The following AURKAIP1 variants were observed in gnomAD, a reference collection of about 807,000 sequenced individuals.
AURKAIP1 encodes aurora kinase A interacting protein 1, also known as small ribosomal subunit protein bS22, mitochondrial.
Under a neutral mutation model 18.4 loss-of-function variants are expected in AURKAIP1, and 20 were observed. That is an observed-to-expected ratio of 1.09 (90% CI 0.77 to 1.58). The LOEUF (loss-of-function observed/expected upper bound fraction) is 1.58. Ranked by LOEUF, AURKAIP1 falls within the 40% of genes most tolerant of loss-of-function variation. The probability of loss-of-function intolerance (pLI) is 0.00; values close to 1 mark genes in which losing one functional copy is unlikely to be tolerated. For missense variants in AURKAIP1, 319 were observed against 270.7 expected, an observed-to-expected ratio of 1.18 and a Z score of -1.25; for synonymous variants, 156 against 120.8, an observed-to-expected ratio of 1.29 and a Z score of -1.91.
Position 1,373,745 on chromosome 1 carries a change from T to G in AURKAIP1, c.*56A>C. On this transcript the variant is annotated 3_prime_UTR_variant, in exon 4 of 4. Coordinates refer to ENST00000338338, the MANE Select transcript of AURKAIP1 (RefSeq NM_017900.3). The stretch of plus-strand genomic sequence containing the variant: ...GACCCGCAGGAAAGGCTGAGTCCTC[T>G]GAGAATTTATTACTACGGATCACAG... 2.7e-6 allele frequency: 4 copies of G among 1,499,962 alleles called. No homozygotes were observed. The highest frequency in any genetic ancestry group is 3.6e-6 in the Non-Finnish European group (4 of 1,107,474). The allele number at this position is 1,499,962 out of a possible 1,614,324, so 92.9% of individuals were successfully genotyped here.
At chr1:1,375,052 A>C in intron 1 of AURKAIP1, 102 bp downstream of exon 1, 1 of 336,386 alleles carries the variant, frequency 3.0e-6, no homozygotes, top group Non-Finnish European at 5.5e-6. Context: ...CCCCGCGCGA[A>C]TCGCGTTGCC....
chr1:1,374,591 C>A, intron 2 of AURKAIP1, 114 bp downstream of exon 2: 1 of 1,401,632 alleles, frequency 7.1e-7, no homozygotes, highest in South Asian at 1.3e-5. Context: ...GCATCGGAAG[C>A]TTAGAGGGGA....
intron 1 of AURKAIP1, 134 bp downstream of exon 1, chr1:1,375,020 C>G: frequency 2.4e-6 from 1 of 415,566 alleles, no homozygotes; most frequent in South Asian, 3.1e-5. Context: ...AACGGGGAGG[C>G]CGGCCCCCTC....
intron 1 of AURKAIP1, 140 bp from the exon 2 acceptor site, chr1:1,374,930 T>G: frequency 1.7e-6 from 1 of 584,840 alleles, no homozygotes; most frequent in Non-Finnish European, 2.9e-6. Flanking sequence ...AGGACTTTGC[T>G]TCCAACACAG....
intron 1 of AURKAIP1, 100 bp downstream of exon 1, chr1:1,375,054 C>A (rs1644335890): frequency 8.9e-6 from 3 of 338,052 alleles, no homozygotes; most frequent in Non-Finnish European, 1.7e-5. Flanking sequence ...CCGCGCGAAT[C>A]GCGTTGCCTG....
chr1:1,374,090 C>A lies in AURKAIP1; in HGVS notation c.408G>T (p.Arg136=). The A allele has an allele frequency of 6.2e-7, 1 of 1,611,550 alleles. No individual in the cohort carries two copies. The highest frequency in any genetic ancestry group is 8.5e-7 in the Non-Finnish European group (1 of 1,178,528). The change falls in exon 3 of 4, where the codon CGG becomes CGT. Residue 136 remains arginine (R), a synonymous_variant. Transcript: ENST00000338338. ...QCKNVLKIRR[R]KMNHHKYRKL... is the part of the protein sequence containing the mutation. ...TCCGGTACTTGTGGTGGTTCATCTT[C>A]CGCCGGCGGATCTTCAGCACGTTTT...
Position 1,373,881 on chromosome 1 carries a change from T to G in AURKAIP1, c.520A>C (p.Arg174=). The G allele has an allele frequency of 6.2e-7, 1 of 1,608,640 alleles. No homozygotes were observed. The highest frequency in any genetic ancestry group is 1.1e-5 in the South Asian group (1 of 91,076). Residue 174 remains arginine (R), a synonymous_variant, in exon 4 of 4, where the codon AGG becomes CGG. Transcript: ENST00000338338. ...AGCCCCGCCTTCAGCCAGATGCGCC[T>G]CAGGTCTTTCTCGAACTTGATCTGC... ...RKQIKFEKDL[R]RIWLKAGLKE...
At position 1,374,232 on chromosome 1, in the gene AURKAIP1, G is replaced by A; in HGVS notation, c.266C>T (p.Thr89Ile). 6.2e-7 allele frequency: 1 copy of A among 1,612,332 alleles called. No homozygotes were observed. The highest frequency in any genetic ancestry group is 8.5e-7 in the Non-Finnish European group (1 of 1,179,960). The change falls in exon 3 of 4, where the codon ACC (threonine) becomes ATC (isoleucine). Residue 89 changes from threonine (T) to isoleucine (I), a missense_variant. Coordinates refer to ENST00000338338, the MANE Select transcript of AURKAIP1 (RefSeq NM_017900.3). ...TGGAGCCACAGTCCCTGCGGTCCCG[G>A]TATCCAGTCTGGGCAGGAAGCAGCG... ...TARCFLPRLD[T>I]GTAGTVAPPQ...
At chr1:1,374,539 G>A (rs768807674) in intron 2 of AURKAIP1, 94 bp from the exon 3 acceptor site, 5 of 1,352,554 alleles carry the variant, frequency 3.7e-6, no homozygotes, top group East Asian at 2.5e-5. Context: ...AGGATCCCCC[G>A]CACCTCATTC....
Position 1,374,065 on chromosome 1 carries a change from T to C in AURKAIP1, c.433A>G (p.Lys145Glu), listed in dbSNP as rs1644320864. ...AGGAACCGCGTCTTCTTCACCAGCT[T>C]CCGGTACTTGTGGTGGTTCATCTTC... Reference protein sequence around the residue: ...RRKMNHHKYRKLVKKTRFLRR... With the variant: ...RRKMNHHKYRELVKKTRFLRR... Residue 145 changes from lysine to glutamate, a missense_variant, in exon 3 of 4, where the codon AAG (lysine) becomes GAG (glutamate). Transcript: ENST00000338338. 1 of 1,608,778 alleles carries C rather than the reference T, an allele frequency of 6.2e-7. No homozygotes were observed. Among genetic ancestry groups the C allele is most frequent in the Non-Finnish European group, 8.5e-7 (1 of 1,176,702 alleles).
Position 1,374,917 on chromosome 1 carries a change from A to G in AURKAIP1, c.-34-127T>C, listed in dbSNP as rs1207225076. On this transcript the variant is annotated intron_variant, in intron 1 of 3. Transcript: ENST00000338338. ...TCTCCCTCCGCCACCCCAACCCACA[A>G]GGAGGACTTTGCTTCCAACACAGCT... 19 of 634,576 alleles carry G rather than the reference A, an allele frequency of 3.0e-5. 1 individual carries two copies. The highest frequency in any genetic ancestry group is 4.3e-4 in the Middle Eastern group (1 of 2,330). 39.3% of individuals were successfully genotyped at this position (634,576 alleles called of 1,614,324 possible). A position where few individuals can be genotyped will look rare whatever the true frequency, so the allele number is the denominator to read the frequency against.
Position 1,374,267 on chromosome 1 carries a change from C to G in AURKAIP1, c.231G>C (p.Trp77Cys). Residue 77 changes from tryptophan to cysteine, a missense_variant, in exon 3 of 4, where the codon TGG becomes TGC. Transcript: ENST00000338338. ...RKMSVSPLES[W>C]LTARCFLPRL... ...TGGGCAGGAAGCAGCGGGCCGTGAG[C>G]CAGCTCTCCAGGGGGCTGACGGACA... The G allele has an allele frequency of 6.2e-7, 1 of 1,604,936 alleles. No individual in the cohort carries two copies. Among genetic ancestry groups the G allele is most frequent in the Non-Finnish European group, 8.5e-7 (1 of 1,177,160 alleles).
rs576894508 is a variant in AURKAIP1, at chr1:1,374,528, G to C, written c.53-83C>G. On this transcript the variant is annotated intron_variant, in intron 2 of 3. Transcript: ENST00000338338. ...TGAGGAGCAGCAGGTTCGTCCCAGC[G>C]AGGATCCCCCGCACCTCATTCCTGG... The C allele has an allele frequency of 7.3e-6, 10 of 1,370,236 alleles. No homozygotes were observed. In the Admixed American group the frequency reaches 2.3e-4, roughly 32 times the overall value. 84.9% of individuals were successfully genotyped at this position (1,370,236 alleles called of 1,614,324 possible).
Position 1,374,416 on chromosome 1 carries a change from C to A in AURKAIP1, c.82G>T (p.Val28Leu). ...GGCCCGCAGACCCGGCTGCCCAGCACTCCAGAGACGGGCCAAGGCGGGCGG... is the reference window on the plus strand; with the variant it reads ...GGCCCGCAGACCCGGCTGCCCAGCAATCCAGAGACGGGCCAAGGCGGGCGG... ...GGRPPWPVSGVLGSRVCGPLY... is the reference protein window; with the variant it reads ...GGRPPWPVSGLLGSRVCGPLY... The change falls in exon 3 of 4, where the codon GTG becomes TTG. Residue 28 changes from valine to leucine, a missense_variant. Val to Leu is a conservative substitution (Grantham distance 32). Transcript: ENST00000338338. 6.8e-7 allele frequency: 1 copy of A among 1,461,738 alleles called. No homozygotes were observed. The highest frequency in any genetic ancestry group is 9.0e-7 in the Non-Finnish European group (1 of 1,113,106). The allele number at this position is 1,461,738 out of a possible 1,614,324, so 90.5% of individuals were successfully genotyped here. A position where few individuals can be genotyped will look rare whatever the true frequency, so the allele number is the denominator to read the frequency against.
Position 1,374,077 on chromosome 1 carries a change from G to C in AURKAIP1, c.421C>G (p.His141Asp). 6.2e-7 allele frequency: 1 copy of C among 1,610,470 alleles called. No individual in the cohort carries two copies. Among genetic ancestry groups the C allele is most frequent in the Non-Finnish European group, 8.5e-7 (1 of 1,177,968 alleles). The change falls in exon 3 of 4, where the codon CAC (histidine) becomes GAC (aspartate). Residue 141 changes from histidine to aspartate, a missense_variant. By Grantham distance (81) the His-to-Asp change is moderately conservative. Transcript: ENST00000338338. Reference sequence around the variant, plus strand: ...TTCTTCACCAGCTTCCGGTACTTGTGGTGGTTCATCTTCCGCCGGCGGATC... The same window carrying C: ...TTCTTCACCAGCTTCCGGTACTTGTCGTGGTTCATCTTCCGCCGGCGGATC... ...LKIRRRKMNH[H>D]KYRKLVKKTR... is the part of the protein sequence containing the mutation.
At position 1,374,009 on chromosome 1, in the gene AURKAIP1, T is replaced by G; in HGVS notation, c.489A>C (p.Arg163Ser). Reference sequence around the variant, plus strand: ...GCAGGGGGCCACTCACCTGCTTGCGTCTCAGGCGTCCCTCCTGGACCTTCC... The same window carrying G: ...GCAGGGGGCCACTCACCTGCTTGCGGCTCAGGCGTCCCTCCTGGACCTTCC... ...LRRKVQEGRL[R>S]RKQIKFEKDL... is the part of the protein sequence containing the mutation. The change falls in exon 3 of 4, where the codon AGA becomes AGC. Residue 163 changes from arginine (R) to serine (S), a missense_variant. Transcript: ENST00000338338. 6.2e-7 allele frequency: 1 copy of G among 1,608,352 alleles called. No homozygotes were observed. The highest frequency in any genetic ancestry group is 1.3e-5 in the African/African-American group (1 of 74,972).
intron 1 of AURKAIP1, 150 bp downstream of exon 1, chr1:1,375,004 T>A (rs1210441443): frequency 2.2e-6 from 1 of 459,948 alleles, no homozygotes. Context: ...CACCGAAAGG[T>A]CCCAGAACGG....
In AURKAIP1 at chr1:1,374,206, G is replaced by A. The variant is rs974987813; in HGVS notation, c.292C>T (p.Pro98Ser). 2 of 1,613,390 alleles carry A rather than the reference G, an allele frequency of 1.2e-6. No homozygotes were observed. Among genetic ancestry groups the A allele is most frequent in the Admixed American group, 3.3e-5 (2 of 60,010 alleles). ...DTGTAGTVAP[P>S]QSYQCPPSQI... is the part of the protein sequence containing the mutation. Reference sequence around the variant, plus strand: ...CTGGGCGGACACTGGTAGGATTGCGGTGGAGCCACAGTCCCTGCGGTCCCG... The same window carrying A: ...CTGGGCGGACACTGGTAGGATTGCGATGGAGCCACAGTCCCTGCGGTCCCG... Residue 98 changes from proline (P) to serine (S), a missense_variant, in exon 3 of 4, where the codon CCG (proline) becomes TCG (serine). By Grantham distance (74) the Pro-to-Ser change is moderately conservative. Coordinates refer to ENST00000338338, the MANE Select transcript of AURKAIP1 (RefSeq NM_017900.3).
chr1:1,374,049 G>A lies in AURKAIP1; in HGVS notation c.449C>T (p.Thr150Met), dbSNP rs770201120. ...CTGGACCTTCCTCCGCAGGAACCGC[G>A]TCTTCTTCACCAGCTTCCGGTACTT... ...HHKYRKLVKK[T>M]RFLRRKVQEG... The change falls in exon 3 of 4, where the codon ACG becomes ATG. Residue 150 changes from threonine (T) to methionine (M), a missense_variant. Thr to Met is a moderately conservative substitution (Grantham distance 81, BLOSUM62 -1). Coordinates refer to ENST00000338338, the MANE Select transcript of AURKAIP1 (RefSeq NM_017900.3). 4.4e-6 allele frequency: 7 copies of A among 1,607,528 alleles called. No homozygotes were observed. The South Asian group carries it at 4.4e-5, about 10-fold the overall frequency.
Sources: allele counts gnomAD v4.1 joint callset, GRCh38; gene constraint gnomAD v4.1.1; transcripts MANE v1.5; gene names NCBI Gene and HGNC (gene_info 2026-07-23, HGNC 2026-07-21).